The following SH3D21 variants were observed in gnomAD, a reference collection of about 807,000 sequenced individuals.
SH3D21 encodes SH3 domain-containing protein 21.
In SH3D21, 83 loss-of-function variants were observed where a neutral mutation model predicts 82.1. That is an observed-to-expected ratio of 1.01 (90% CI 0.85 to 1.21). The LOEUF (loss-of-function observed/expected upper bound fraction) is 1.21, where lower values mean the gene tolerates loss of function less well. Among genes scored for constraint, SH3D21 ranks in the 50% most tolerant of loss-of-function variants. The pLI is 0.00. For missense variants in SH3D21, 980 were observed against 962.1 expected (o/e 1.02, Z -0.25); for synonymous variants, 383 against 387.8 (o/e 0.99, Z 0.15).
In SH3D21 at chr1:36,306,869, G is replaced by T; in HGVS notation, c.190G>T (p.Gly64Ter). 7.7e-7 allele frequency: 1 copy of T among 1,298,752 alleles called. No homozygotes were observed. 80.5% of individuals were successfully genotyped at this position (1,298,752 alleles called of 1,614,324 possible). A position where few individuals can be genotyped will look rare whatever the true frequency, so the allele number is the denominator to read the frequency against. Residue 64 changes from glycine to a stop codon, truncating the protein, a stop_gained, in exon 3 of 16, where the codon GGA becomes TGA. Coordinates refer to ENST00000453908, the MANE Select transcript of SH3D21 (RefSeq NM_001162530.2). LOFTEE classifies it high-confidence loss of function. This position sits in a 1 kb window ranked among gnomAD's most constrained non-coding sequence, Gnocchi z 4.5. ...GATCCCAGAGACCCTGCGGGGCTCC[G>T]GAGAGGCGCGGAGGCCGCGCTGTGC... The part of the protein sequence containing the change: ...QEIPETLRGS[G>*]EARRPRCARR...
rs1646434805 is a variant in SH3D21, at chr1:36,320,596, G to A, written c.1933G>A (p.Glu645Lys). 6.2e-7 allele frequency: 1 copy of A among 1,614,228 alleles called. No individual in the cohort carries two copies. Among genetic ancestry groups the A allele is most frequent in the Non-Finnish European group, 8.5e-7 (1 of 1,180,046 alleles). Residue 645 changes from glutamate to lysine, a missense_variant, in exon 14 of 16, where the codon GAG becomes AAG. Physicochemically the swap from Glu to Lys is moderately conservative, Grantham distance 56 (BLOSUM62 1). Coordinates refer to ENST00000453908, the MANE Select transcript of SH3D21 (RefSeq NM_001162530.2). The part of the protein sequence containing the change: ...PPKEEVAPKE[E>K]VPPIERAFAQ... ...TAAAGAGGAAGTGGCTCCAAAAGAG[G>A]AGGTGCCCCCCATAGAAAGAGCCTT...
intron 10 of SH3D21, among the ~76,000 whole-genome samples, chr1:36,315,319 T>C (rs1168613981): frequency 6.6e-6 from 1 of 152,032 alleles, no homozygotes; most frequent in Non-Finnish European, 1.5e-5. Flanking sequence ...CTTTGGATAA[T>C]TTCCAGAGCA....
chr1:36,307,083 A>G lies in SH3D21; in HGVS notation c.227-84A>G. 2 of 1,532,236 alleles carry G rather than the reference A, an allele frequency of 1.3e-6. No individual in the cohort carries two copies. Among genetic ancestry groups the G allele is most frequent in the Non-Finnish European group, 1.8e-6 (2 of 1,136,552 alleles). 94.9% of individuals were successfully genotyped at this position (1,532,236 alleles called of 1,614,324 possible). ...CCTGGGGCGGGGCTGGAGGGACCAA[A>G]GGCTACGTGCGCGCCTTGCGCTTCC... On this transcript the variant is annotated intron_variant, in intron 3 of 15. Coordinates refer to ENST00000453908, the MANE Select transcript of SH3D21 (RefSeq NM_001162530.2). The surrounding 1 kb of genome is among the most constrained non-coding windows in gnomAD (Gnocchi z 5.4).
downstream of SH3D21, chr1:36,321,603 A>T: frequency 1.1e-6 from 1 of 933,880 alleles, no homozygotes; most frequent in Non-Finnish European, 1.3e-6. This position sits in a 1 kb window ranked among gnomAD's most constrained non-coding sequence, Gnocchi z 6.1. Context: ...TCTCGCTTGA[A>T]CGCACCTCGG....
rs754958143 is a variant in SH3D21 at position 36,306,903 on chromosome 1, G to A, written c.224G>A (p.Arg75Gln). 3.8e-6 allele frequency: 5 copies of A among 1,322,768 alleles called. No homozygotes were observed. The African/African-American group carries it at 7.7e-5, about 20-fold the overall frequency. The allele number at this position is 1,322,768 out of a possible 1,614,324, so 81.9% of individuals were successfully genotyped here. ...CGGAGGCCGCGCTGTGCGCGCCGCC[G>A]AGGTGAGCGCAAGGGCGGGGACGGG... is the stretch of plus-strand genomic sequence containing the variant. ...EARRPRCARRRGHPAKHPRPQ... is the reference protein window; with the variant it reads ...EARRPRCARRQGHPAKHPRPQ... Residue 75 changes from arginine (R) to glutamine (Q), a missense_variant and splice_region_variant, in exon 3 of 16, where the codon CGA (arginine) becomes CAA (glutamine). Arg to Gln is a conservative substitution (Grantham distance 43). Coordinates refer to ENST00000453908, the MANE Select transcript of SH3D21 (RefSeq NM_001162530.2). This position sits in a 1 kb window ranked among gnomAD's most constrained non-coding sequence, Gnocchi z 4.5.
intron 10 of SH3D21, among the ~76,000 whole-genome samples, chr1:36,310,882 G>T (rs1646225796): frequency 6.6e-6 from 1 of 152,098 alleles, no homozygotes; most frequent in South Asian, 2.1e-4. Context: ...ATAGTCTTCT[G>T]AGACTTGCTG....
chr1:36,307,860 G>C lies in SH3D21; in HGVS notation c.492+35G>C, dbSNP rs1305144472. The C allele has an allele frequency of 2.0e-5, 31 of 1,551,624 alleles. No individual in the cohort carries two copies. Among genetic ancestry groups the C allele is most frequent in the African/African-American group, 2.7e-5 (2 of 73,034 alleles). ...CTCAGAGTAGGCACAGAGGTGGTGA[G>C]TTCCTCTTGGGGTGGTTGGAGGCTC... On this transcript the variant is annotated intron_variant, in intron 6 of 15. Transcript: ENST00000453908. This position sits in a 1 kb window ranked among gnomAD's most constrained non-coding sequence, Gnocchi z 5.4.
intron 10 of SH3D21, among the ~76,000 whole-genome samples, chr1:36,312,215 G>A (rs976836992): frequency 4.0e-5 from 6 of 151,532 alleles, no homozygotes; most frequent in Non-Finnish European, 5.9e-5. Context: ...TAGTAGAGAC[G>A]GGTTTCACCA....
At chr1:36,327,085 A>G (rs895745493), downstream of SH3D21, among the ~76,000 whole-genome samples, 2 of 152,140 alleles carry the variant, frequency 1.3e-5, no homozygotes, top group African/African-American at 4.8e-5. Context: ...GCTCGAGCCC[A>G]TTGAGGGGTC....
chr1:36,320,653 C>A lies in SH3D21; in HGVS notation c.1990C>A (p.Pro664Thr). ...AAAAACACGTCCTATCAAGCCGCCT[C>A]CAGACTCCCAAGAGACGCTCGCGCT... ...AQKTRPIKPP[P>T]DSQETLALPS... is the part of the protein sequence containing the mutation. The change falls in exon 14 of 16, where the codon CCA (proline) becomes ACA (threonine). Residue 664 changes from proline to threonine, a missense_variant. Physicochemically the swap from Pro to Thr is conservative, Grantham distance 38. Coordinates refer to ENST00000453908, the MANE Select transcript of SH3D21 (RefSeq NM_001162530.2). 2 of 1,614,274 alleles carry A rather than the reference C, an allele frequency of 1.2e-6. No homozygotes were observed. Among genetic ancestry groups the A allele is most frequent in the Non-Finnish European group, 1.7e-6 (2 of 1,180,048 alleles).
chr1:36,329,536 G>A (rs1024785828), downstream of SH3D21, among the ~76,000 whole-genome samples: 2 of 152,090 alleles, frequency 1.3e-5, no homozygotes, highest in Non-Finnish European at 2.9e-5. Context: ...AGTCCCTGGC[G>A]CCACCCTTGT....
At chr1:36,325,835 C>T (rs1480104404), downstream of SH3D21, among the ~76,000 whole-genome samples, 2 of 152,212 alleles carry the variant, frequency 1.3e-5, no homozygotes, top group African/African-American at 2.4e-5. Flanking sequence ...TGAGCCACCG[C>T]GCCCAGCCCT....
downstream of SH3D21, chr1:36,321,962 C>T: frequency 8.6e-7 from 1 of 1,158,896 alleles, no homozygotes; most frequent in Non-Finnish European, 1.1e-6. The surrounding 1 kb of genome is among the most constrained non-coding windows in gnomAD (Gnocchi z 6.1). Flanking sequence ...GGGCCTCAGT[C>T]CTGGGGCCCC....
chr1:36,314,125 G>A (rs1223851659), intron 10 of SH3D21, among the ~76,000 whole-genome samples: 2 of 150,320 alleles, frequency 1.3e-5, no homozygotes, highest in African/African-American at 2.4e-5. Flanking sequence ...ACAGGCGCCC[G>A]CCACCACACC....
In SH3D21 at chr1:36,307,898, C is replaced by A. The variant is rs1316243305; in HGVS notation, c.493-20C>A. 6.4e-7 allele frequency: 1 copy of A among 1,551,718 alleles called. No individual in the cohort carries two copies. The highest frequency in any genetic ancestry group is 2.4e-5 in the East Asian group (1 of 40,916). On this transcript the variant is annotated intron_variant, in intron 6 of 15. Coordinates refer to ENST00000453908, the MANE Select transcript of SH3D21 (RefSeq NM_001162530.2). This position sits in a 1 kb window ranked among gnomAD's most constrained non-coding sequence, Gnocchi z 5.4. ...TGGTTGGAGGCTCATCTAGTTCCTC[C>A]CTGCCCCTTCCCCCACTAGCTGAGC...
downstream of SH3D21, among the ~76,000 whole-genome samples, chr1:36,325,142 G>A (rs1166438158): frequency 2.0e-5 from 3 of 151,706 alleles, no homozygotes; most frequent in African/African-American, 7.3e-5. Flanking sequence ...GCTCAAGTGA[G>A]CCTCCCATCT....
Position 36,306,930 on chromosome 1 carries a change from G to A in SH3D21, c.226+25G>A. On this transcript the variant is annotated intron_variant, in intron 3 of 15. Transcript: ENST00000453908. This position sits in a 1 kb window ranked among gnomAD's most constrained non-coding sequence, Gnocchi z 4.5. Reference sequence around the variant, plus strand: ...GGTGAGCGCAAGGGCGGGGACGGGCGCCGGTGGGCGGGTGCACGGAGCCAG... The same window carrying A: ...GGTGAGCGCAAGGGCGGGGACGGGCACCGGTGGGCGGGTGCACGGAGCCAG... 2.3e-6 allele frequency: 3 copies of A among 1,325,228 alleles called. No homozygotes were observed. The highest frequency in any genetic ancestry group is 2.9e-6 in the Non-Finnish European group (3 of 1,022,732). 82.1% of individuals were successfully genotyped at this position (1,325,228 alleles called of 1,614,324 possible). A position where few individuals can be genotyped will look rare whatever the true frequency, so the allele number is the denominator to read the frequency against.
At chr1:36,322,168 G>A, downstream of SH3D21, 1 of 1,353,372 alleles carries the variant, frequency 7.4e-7, no homozygotes, top group South Asian at 1.6e-5. Context: ...CCTCTCAGGG[G>A]GTGGCGGTCC....
downstream of SH3D21, chr1:36,322,030 T>A: frequency 7.8e-7 from 1 of 1,286,948 alleles, no homozygotes; most frequent in Non-Finnish European, 9.8e-7. Context: ...AGAGACTGAG[T>A]CACTGAGAAT....
Sources: allele counts gnomAD v4.1 joint callset (sites outside exome capture counted in the v4.1 genomes callset), GRCh38; gene constraint gnomAD v4.1.1; non-coding constraint Gnocchi (gnomAD v3.1); transcripts MANE v1.5; gene names NCBI Gene and HGNC (gene_info 2026-07-23, HGNC 2026-07-21).